APBB1IP: variants seen among roughly 807,000 people sequenced by gnomAD.
The protein encoded by APBB1IP is amyloid beta precursor protein binding family B member 1 interacting protein, also known as amyloid beta A4 precursor protein-binding family B member 1-interacting protein.
A neutral mutation model predicts 64.9 loss-of-function variants in APBB1IP; 27 were observed. The observed-to-expected ratio is 0.42, with a 90% CI of 0.31 to 0.57. APBB1IP has a LOEUF of 0.57. Among genes scored for constraint, APBB1IP ranks in the 20% least tolerant of loss-of-function variants. APBB1IP has a pLI of 0.20. For missense variants in APBB1IP, 812 were observed against 845.5 expected, an observed-to-expected ratio of 0.96 and a Z score of 0.49; for synonymous variants, 392 against 331.0, an observed-to-expected ratio of 1.18 and a Z score of -2.00.
chr10:26,450,232 G>A (rs1471312848), intron 2 of APBB1IP, among the ~76,000 whole-genome samples: 3 of 152,174 alleles, frequency 2.0e-5, no homozygotes, highest in Admixed American at 6.5e-5. Context: ...GTCTGTACAT[G>A]CAAAGCACTT....
chr10:26,521,897 T>C (rs932226604), intron 8 of APBB1IP, among the ~76,000 whole-genome samples: 3 of 152,116 alleles, frequency 2.0e-5, no homozygotes, highest in Non-Finnish European at 4.4e-5. Context: ...ATTACAGGCA[T>C]GCGCCACCAT....
At chr10:26,471,787 C>T (rs759231101) in intron 2 of APBB1IP, among the ~76,000 whole-genome samples, 5 of 152,034 alleles carry the variant, frequency 3.3e-5, no homozygotes, top group Non-Finnish European at 7.4e-5. Flanking sequence ...TGGGTTCAAG[C>T]GATTCCCCAG....
chr10:26,566,125 T>C (rs1177983642), intron 14 of APBB1IP, among the ~76,000 whole-genome samples: 7 of 152,176 alleles, frequency 4.6e-5, no homozygotes, highest in Admixed American at 4.6e-4. Context: ...CAACAGGAAA[T>C]ACTGTTAAAG....
At chr10:26,458,954 T>C (rs1228132617) in intron 2 of APBB1IP, among the ~76,000 whole-genome samples, 1 of 152,132 alleles carries the variant, frequency 6.6e-6, no homozygotes, top group Non-Finnish European at 1.5e-5. Context: ...TTATTATTAT[T>C]ATACTTTGAG....
At chr10:26,468,082 A>G (rs1442630551) in intron 2 of APBB1IP, among the ~76,000 whole-genome samples, 1 of 152,186 alleles carries the variant, frequency 6.6e-6, no homozygotes, top group Non-Finnish European at 1.5e-5. Flanking sequence ...CTAAGGCCGT[A>G]TTATGGCTAA....
At chr10:26,481,694 C>T (rs1454981178) in intron 2 of APBB1IP, among the ~76,000 whole-genome samples, 1 of 151,942 alleles carries the variant, frequency 6.6e-6, no homozygotes, top group Non-Finnish European at 1.5e-5. Context: ...TGCTATATTG[C>T]CCAGGCTGGT....
chr10:26,533,393 A>G lies in APBB1IP; in HGVS notation c.814-46A>G, dbSNP rs368459061. On this transcript the variant is annotated intron_variant, in intron 8 of 14. Coordinates refer to ENST00000376236, the MANE Select transcript of APBB1IP (RefSeq NM_019043.4). ...CTGTGAGTTCCTTGCAGAGTCTAGTACGGTAATGAACACTTACTGATCTGA... is the reference window on the plus strand; with the variant it reads ...CTGTGAGTTCCTTGCAGAGTCTAGTGCGGTAATGAACACTTACTGATCTGA... The G allele has an allele frequency of 1.5e-5, 18 of 1,212,886 alleles. No individual in the cohort carries two copies. In the African/African-American group the frequency reaches 2.6e-4, roughly 18 times the overall value. The allele number at this position is 1,212,886 out of a possible 1,614,324, so 75.1% of individuals were successfully genotyped here. A position where few individuals can be genotyped will look rare whatever the true frequency, so the allele number is the denominator to read the frequency against.
intron 7 of APBB1IP, among the ~76,000 whole-genome samples, chr10:26,512,791 C>T (rs529261846): frequency 3.2e-4 from 48 of 152,134 alleles, no homozygotes; most frequent in Middle Eastern, 6.8e-3. Flanking sequence ...ATGGGACAGT[C>T]GTCTCTCAGG....
At position 26,567,048 on chromosome 10, in the gene APBB1IP, C is replaced by T; in HGVS notation, c.1561C>T (p.Pro521Ser). Residue 521 changes from proline to serine, a missense_variant, in exon 15 of 15, where the codon CCG becomes TCG. Coordinates refer to ENST00000376236, the MANE Select transcript of APBB1IP (RefSeq NM_019043.4). Reference sequence around the variant, plus strand: ...CAAGTCCAGCCTGCCCCCGCCCCCTCCGGTGCGGAGGTCCTCCGACACCAG... The same window carrying T: ...CAAGTCCAGCCTGCCCCCGCCCCCTTCGGTGCGGAGGTCCTCCGACACCAG... The part of the protein sequence containing the change: ...APKSSLPPPP[P>S]VRRSSDTSGS... 1 of 1,527,860 alleles carries T rather than the reference C, an allele frequency of 6.5e-7. No individual in the cohort carries two copies. Among genetic ancestry groups the T allele is most frequent in the Admixed American group, 2.1e-5 (1 of 47,578 alleles). The allele number at this position is 1,527,860 out of a possible 1,614,324, so 94.6% of individuals were successfully genotyped here. A position where few individuals can be genotyped will look rare whatever the true frequency, so the allele number is the denominator to read the frequency against.
At chr10:26,446,746 C>G (rs1158490983) in intron 2 of APBB1IP, among the ~76,000 whole-genome samples, 1 of 152,160 alleles carries the variant, frequency 6.6e-6, no homozygotes, top group East Asian at 1.9e-4. Context: ...TGGTGGGTCA[C>G]ACCTATAGTC....
Position 26,503,219 on chromosome 10 carries a change from A to G in APBB1IP, c.476A>G (p.Lys159Arg), listed in dbSNP as rs1420294031. 3 of 1,614,170 alleles carry G rather than the reference A, an allele frequency of 1.9e-6. No individual in the cohort carries two copies. The Admixed American group carries it at 5.0e-5, about 27-fold the overall frequency. The change falls in exon 6 of 15, where the codon AAG becomes AGG. Residue 159 changes from lysine (K) to arginine (R), a missense_variant. Lys to Arg is a conservative substitution (Grantham distance 26). Coordinates refer to ENST00000376236, the MANE Select transcript of APBB1IP (RefSeq NM_019043.4). ...CAGGAAGAGGAAGAAGCCCAAGCCA[A>G]GGCTGATAAAATTAAGCTGGCGCTG... is the stretch of plus-strand genomic sequence containing the variant. ...LSQEEEEAQAKADKIKLALEK... is the reference protein window; with the variant it reads ...LSQEEEEAQARADKIKLALEK...
chr10:26,490,351 G>A (rs750335547), intron 2 of APBB1IP, among the ~76,000 whole-genome samples: 5 of 152,158 alleles, frequency 3.3e-5, no homozygotes, highest in South Asian at 4.1e-4. Flanking sequence ...TGGGCCAGGC[G>A]TGGTGGCTCA....
chr10:26,538,943 T>G (rs905053004), intron 10 of APBB1IP, among the ~76,000 whole-genome samples: 28 of 152,194 alleles, frequency 1.8e-4, no homozygotes, highest in Non-Finnish European at 3.5e-4. Flanking sequence ...TCAGAGAAGT[T>G]AAAGTTGGAA....
chr10:26,546,123 G>A (rs537758860), intron 11 of APBB1IP, among the ~76,000 whole-genome samples: 6 of 152,194 alleles, frequency 3.9e-5, no homozygotes, highest in Non-Finnish European at 7.3e-5. Context: ...AAGATGCTAA[G>A]CCTCACTGCA....
At chr10:26,554,803 G>C (rs1236369162) in intron 11 of APBB1IP, among the ~76,000 whole-genome samples, 5 of 152,040 alleles carry the variant, frequency 3.3e-5, no homozygotes. Flanking sequence ...AGCTGATCTT[G>C]AGCTCTTGGG....
intron 6 of APBB1IP, among the ~76,000 whole-genome samples, chr10:26,510,777 A>C (rs1166505505): frequency 7.1e-5 from 9 of 126,296 alleles, no homozygotes; most frequent in African/African-American, 1.1e-4. Context: ...CACACACACA[A>C]ATGAAAATTA....
intron 2 of APBB1IP, among the ~76,000 whole-genome samples, chr10:26,441,536 T>C (rs1018710186): frequency 1.9e-4 from 29 of 152,098 alleles, no homozygotes; most frequent in African/African-American, 6.0e-4. Context: ...CAATTTGTGA[T>C]CCCAAAATGA....
intron 2 of APBB1IP, among the ~76,000 whole-genome samples, chr10:26,460,210 A>C (rs1380981831): frequency 6.6e-6 from 1 of 152,224 alleles, no homozygotes; most frequent in Non-Finnish European, 1.5e-5. Context: ...CCTTCTTAGG[A>C]ATAATTATCA....
At chr10:26,453,218 G>T (rs529858826) in intron 2 of APBB1IP, among the ~76,000 whole-genome samples, 6 of 152,326 alleles carry the variant, frequency 3.9e-5, no homozygotes, top group Admixed American at 2.6e-4. Flanking sequence ...TTGGCTTTGT[G>T]TAGTGGGTAG....
Sources: allele counts gnomAD v4.1 joint callset (sites outside exome capture counted in the v4.1 genomes callset), GRCh38; gene constraint gnomAD v4.1.1; transcripts MANE v1.5; gene names NCBI Gene and HGNC (gene_info 2026-07-23, HGNC 2026-07-21).